The following NXPE4 variants were observed in gnomAD, a reference collection of about 807,000 sequenced individuals.
NXPE4 encodes neurexophilin and PC-esterase domain family member 4.
A neutral mutation model predicts 33.3 loss-of-function variants in NXPE4; 42 were observed. That is an observed-to-expected ratio of 1.26 (90% CI 0.98 to 1.63). The LOEUF is 1.63. NXPE4 is among the 40% of genes most tolerant of loss of function. The pLI, the probability that NXPE4 is intolerant of heterozygous loss-of-function variation, is 0.00. For missense variants in NXPE4, 709 were observed against 647.6 expected, an observed-to-expected ratio of 1.09 and a Z score of -1.03; for synonymous variants, 253 against 234.9, an observed-to-expected ratio of 1.08 and a Z score of -0.71.
At chr11:114,615,417 G>A in the NXPE4 span, among the ~76,000 whole-genome samples, 4 of 151,902 alleles carry the variant, frequency 2.6e-5, no homozygotes, top group South Asian at 6.2e-4. Flanking sequence ...TTACCCTATG[G>A]AGAATAAGTA....
At chr11:114,626,611 G>A in the NXPE4 span, among the ~76,000 whole-genome samples, 1 of 152,212 alleles carries the variant, frequency 6.6e-6, no homozygotes, top group Admixed American at 6.5e-5. Context: ...AAAAAGCAGA[G>A]CGCCTCTCCT....
intron 5 of NXPE4, among the ~76,000 whole-genome samples, chr11:114,579,420 A>G (rs895788096): frequency 6.6e-6 from 1 of 152,204 alleles, no homozygotes; most frequent in Non-Finnish European, 1.5e-5. Flanking sequence ...GATTGGTGAG[A>G]AACACCAGGC....
rs567131026 is a variant in NXPE4 at position 114,570,977 on chromosome 11, G to A, written c.1596C>T (p.Val532=). Reference sequence around the variant, plus strand: ...TTAATAATATATTAATCTGATTTCCGACTACATGTTGAGGTGGGTGTACAT... The same window carrying A: ...TTAATAATATATTAATCTGATTTCCAACTACATGTTGAGGTGGGTGTACAT... ...TNNVHPPQHV[V]GNQINILLNY... The change falls in exon 6 of 6, where the codon GTC becomes GTT. Residue 532 remains valine, a synonymous_variant. Coordinates refer to ENST00000375478, the MANE Select transcript of NXPE4 (RefSeq NM_001077639.2). The A allele has an allele frequency of 1.3e-5, 21 of 1,608,636 alleles. No individual in the cohort carries two copies. The highest frequency in any genetic ancestry group is 2.2e-5 in the East Asian group (1 of 44,776).
At chr11:114,651,226 G>C in the NXPE4 span, among the ~76,000 whole-genome samples, 3 of 152,018 alleles carry the variant, frequency 2.0e-5, no homozygotes, top group African/African-American at 7.2e-5. Context: ...GGTGTGTCTG[G>C]GGTTTCTTCC....
the NXPE4 span, among the ~76,000 whole-genome samples, chr11:114,674,385 A>T: frequency 6.6e-6 from 1 of 151,826 alleles, no homozygotes; most frequent in South Asian, 2.1e-4. Context: ...GGAGCTGAAT[A>T]ATTTCACTTA....
chr11:114,605,476 A>G, the NXPE4 span, among the ~76,000 whole-genome samples: 1 of 151,720 alleles, frequency 6.6e-6, no homozygotes, highest in Admixed American at 6.6e-5. Context: ...TTTGGTAACC[A>G]CAGTTACCCG....
chr11:114,580,194 A>G lies in NXPE4; in HGVS notation c.1037T>C (p.Ile346Thr), dbSNP rs770397792. 149 of 1,613,992 alleles carry G rather than the reference A, an allele frequency of 9.2e-5. No homozygotes were observed. Among genetic ancestry groups the G allele is most frequent in the Non-Finnish European group, 1.2e-4 (144 of 1,179,974 alleles). ...GATCGTGGAATCTCCCATTAGGTAT[A>G]TGAGTTTTCCTCTCAGGCATTCCTT... Reference protein sequence around the residue: ...KMKECLRGKLIYLMGDSTIRQ... With the variant: ...KMKECLRGKLTYLMGDSTIRQ... Residue 346 changes from isoleucine to threonine, a missense_variant, in exon 5 of 6, where the codon ATA (isoleucine) becomes ACA (threonine). Coordinates refer to ENST00000375478, the MANE Select transcript of NXPE4 (RefSeq NM_001077639.2).
At chr11:114,601,938 T>A in the NXPE4 span, among the ~76,000 whole-genome samples, 17 of 82,464 alleles carry the variant, frequency 2.1e-4, no homozygotes, top group African/African-American at 4.0e-4. Flanking sequence ...TTTATATATA[T>A]TATATAATTA....
the NXPE4 span, among the ~76,000 whole-genome samples, chr11:114,631,136 C>G: frequency 6.6e-6 from 1 of 151,950 alleles, no homozygotes; most frequent in South Asian, 2.1e-4. Context: ...GGATCTAGAA[C>G]TAGAAATACC....
the NXPE4 span, among the ~76,000 whole-genome samples, chr11:114,628,378 A>T: frequency 1.3e-5 from 2 of 152,182 alleles, no homozygotes; most frequent in African/African-American, 2.4e-5. Flanking sequence ...ACTCAAAACC[A>T]CTGAACTACA....
chr11:114,623,820 T>C, the NXPE4 span, among the ~76,000 whole-genome samples: 1 of 152,176 alleles, frequency 6.6e-6, no homozygotes, highest in African/African-American at 2.4e-5. Flanking sequence ...GCCTCGTGGG[T>C]AACCACTGTT....
chr11:114,655,623 T>A, the NXPE4 span, among the ~76,000 whole-genome samples: 3 of 152,176 alleles, frequency 2.0e-5, no homozygotes, highest in Admixed American at 2.0e-4. Context: ...TTGAGGAAGA[T>A]CAGATGGTTG....
upstream of NXPE4, among the ~76,000 whole-genome samples, chr11:114,596,333 A>G (rs961441379): frequency 6.6e-6 from 1 of 152,214 alleles, no homozygotes; most frequent in Non-Finnish European, 1.5e-5. Context: ...TGGAAAGAGC[A>G]GGCACCCAGA....
the NXPE4 span, among the ~76,000 whole-genome samples, chr11:114,607,795 T>G: frequency 2.2e-4 from 33 of 151,810 alleles, no homozygotes; most frequent in Non-Finnish European, 2.7e-4. Context: ...CGGTGGAGAA[T>G]AAGTGTTGCC....
At chr11:114,636,860 T>G in the NXPE4 span, among the ~76,000 whole-genome samples, 7 of 152,194 alleles carry the variant, frequency 4.6e-5, no homozygotes, top group South Asian at 4.2e-4. Flanking sequence ...TTTTACATTT[T>G]CTGAGGAGAG....
At chr11:114,643,068 G>T in the NXPE4 span, among the ~76,000 whole-genome samples, 2 of 152,120 alleles carry the variant, frequency 1.3e-5, no homozygotes, top group East Asian at 1.9e-4. Flanking sequence ...CTTTTGAGAA[G>T]TGTCCATTCA....
At chr11:114,599,208 G>T (rs1169280444), upstream of NXPE4, among the ~76,000 whole-genome samples, 2 of 152,080 alleles carry the variant, frequency 1.3e-5, no homozygotes, top group African/African-American at 2.4e-5. Flanking sequence ...TTGGACAGGG[G>T]TACAGTGCCT....
At chr11:114,591,865 G>A (rs1949463284) in intron 2 of NXPE4, among the ~76,000 whole-genome samples, 1 of 151,904 alleles carries the variant, frequency 6.6e-6, no homozygotes, top group Non-Finnish European at 1.5e-5. Flanking sequence ...TATTGACCAG[G>A]GTATATTATG....
At chr11:114,655,191 T>C in the NXPE4 span, among the ~76,000 whole-genome samples, 1 of 152,228 alleles carries the variant, frequency 6.6e-6, no homozygotes, top group South Asian at 2.1e-4. Context: ...TTCTTGTAAA[T>C]ATGTTTAAGT....
Sources: allele counts gnomAD v4.1 joint callset (sites outside exome capture counted in the v4.1 genomes callset), GRCh38; gene constraint gnomAD v4.1.1; transcripts MANE v1.5; gene names NCBI Gene and HGNC (gene_info 2026-07-23, HGNC 2026-07-21).